Variants in CELSR1 observed in about 807,000 individuals in gnomAD.
CELSR1 encodes adhesion G protein-coupled receptor C1.
Under a neutral mutation model 249.1 loss-of-function variants are expected in CELSR1, and 110 were observed. That is an observed-to-expected ratio of 0.44 (90% CI 0.38 to 0.52). CELSR1 has a LOEUF of 0.52. Among genes scored for constraint, CELSR1 ranks in the 20% least tolerant of loss-of-function variants. CELSR1 has a pLI of 0.00. For missense variants in CELSR1, 4,109 were observed against 4,296.4 expected (o/e 0.96, Z 1.22); for synonymous variants, 2,113 against 1,900.0 (o/e 1.11, Z -2.92).
In CELSR1 at chr22:46,427,958, G is replaced by A. The variant is rs900865732; in HGVS notation, c.4611+5435C>T. On this transcript the variant is annotated intron_variant, in intron 5 of 34. Coordinates refer to ENST00000674500, the MANE Select transcript of CELSR1 (RefSeq NM_001378328.1). This position sits in a 1 kb window ranked among gnomAD's most constrained non-coding sequence, Gnocchi z 4.2. ...GCTCCCCCGACCCCAGGGGTGCTCC[G>A]GGGGTACATCTCCCACTCTCCTTGG... Among the ~76,000 whole-genome samples, 26 of 152,258 alleles carry A rather than the reference G, an allele frequency of 1.7e-4. No individual in the cohort carries two copies. The highest frequency in any genetic ancestry group is 4.6e-4 in the Admixed American group (7 of 15,294).
intron 1 of CELSR1, among the ~76,000 whole-genome samples, chr22:46,493,986 G>A (rs1213531804): frequency 6.6e-6 from 1 of 152,130 alleles, no homozygotes; most frequent in Non-Finnish European, 1.5e-5. Flanking sequence ...AGCTAAGCAA[G>A]CTAGTAAACT....
Position 46,414,701 on chromosome 22 carries a change from G to A in CELSR1, c.4612-2942C>T, listed in dbSNP as rs567117045. ...AGGGAGTGCATGGACACGGTGCTGT[G>A]GGTGACCTGAGACGCACAGACGGGG... On this transcript the variant is annotated intron_variant, in intron 5 of 34. Transcript: ENST00000674500. Among the ~76,000 whole-genome samples, 17 of 152,348 alleles carry A rather than the reference G, an allele frequency of 1.1e-4. No homozygotes were observed. The East Asian group carries it at 2.7e-3, about 24-fold the overall frequency.
chr22:46,516,410 G>A (rs2080628499), intron 1 of CELSR1, among the ~76,000 whole-genome samples: 2 of 151,908 alleles, frequency 1.3e-5, no homozygotes, highest in African/African-American at 4.8e-5. Flanking sequence ...TGAACAATGA[G>A]AACACTTGGA....
rs2080339626 is a variant in CELSR1 at position 46,488,688 on chromosome 22, C to CT, written c.3545-24344dup. ...CCCTTTTTTTTTTTTGAGACGGAGTCTTGCTCTGTCACCCAGGCTGGAGTT... is the reference window on the plus strand; with the variant it reads ...CCCTTTTTTTTTTTTGAGACGGAGTCTTTGCTCTGTCACCCAGGCTGGAGTT... On this transcript the variant is annotated intron_variant, in intron 1 of 34. Coordinates refer to ENST00000674500, the MANE Select transcript of CELSR1 (RefSeq NM_001378328.1). This position sits in a 1 kb window ranked among gnomAD's most constrained non-coding sequence, Gnocchi z 4.7. Among the ~76,000 whole-genome samples the CT allele has an allele frequency of 1.3e-5, 2 of 148,670 alleles. No individual in the cohort carries two copies. Among genetic ancestry groups the CT allele is most frequent in the South Asian group, 2.1e-4 (1 of 4,686 alleles).
intron 1 of CELSR1, among the ~76,000 whole-genome samples, chr22:46,501,022 TTTTTA>T (rs1300032773): frequency 2.2e-5 from 3 of 138,236 alleles, no homozygotes; most frequent in African/African-American, 6.9e-5. Context: ...TTTATTTTAT[TTTTTA>T]TTTTATTTTA....
Position 46,517,846 on chromosome 22 carries a change from C to T in CELSR1, c.3544+15781G>A, listed in dbSNP as rs1044625862. On this transcript the variant is annotated intron_variant, in intron 1 of 34. Transcript: ENST00000674500. The surrounding 1 kb of genome is among the most constrained non-coding windows in gnomAD (Gnocchi z 5.4). ...GAGGGTGAGCTGTCATCTGAAAGCA[C>T]CCACCACCCTGTGTCCCCATATTCT... Among the ~76,000 whole-genome samples the T allele has an allele frequency of 6.6e-6, 1 of 151,958 alleles. No homozygotes were observed. Among genetic ancestry groups the T allele is most frequent in the African/African-American group, 2.4e-5 (1 of 41,360 alleles).
intron 2 of CELSR1, among the ~76,000 whole-genome samples, chr22:46,452,956 G>A (rs1429982015): frequency 6.6e-6 from 1 of 152,258 alleles, no homozygotes; most frequent in Non-Finnish European, 1.5e-5. Context: ...TGTCCAGGGA[G>A]GATAGAGTTG....
rs1270240453 is a variant in CELSR1 at position 46,526,615 on chromosome 22, G to C, written c.3544+7012C>G. On this transcript the variant is annotated intron_variant, in intron 1 of 34. Coordinates refer to ENST00000674500, the MANE Select transcript of CELSR1 (RefSeq NM_001378328.1). The surrounding 1 kb of genome is among the most constrained non-coding windows in gnomAD (Gnocchi z 4.7). The stretch of plus-strand genomic sequence containing the variant: ...CCGCCAGACGGCATCCATCACGGAT[G>C]ACCCCCTCGGAGACACTCGCCCTCC... Among the ~76,000 whole-genome samples the C allele has an allele frequency of 6.6e-6, 1 of 152,170 alleles. No homozygotes were observed. Among genetic ancestry groups the C allele is most frequent in the Non-Finnish European group, 1.5e-5 (1 of 68,032 alleles).
At chr22:46,368,144 A>G (rs2147170941) in intron 27 of CELSR1, among the ~76,000 whole-genome samples, 1 of 152,310 alleles carries the variant, frequency 6.6e-6, no homozygotes, top group Non-Finnish European at 1.5e-5. Context: ...AAGGGGCCTG[A>G]GCCATGCCCA....
At chr22:46,494,403 C>A (rs575377470) in intron 1 of CELSR1, among the ~76,000 whole-genome samples, 2 of 152,240 alleles carry the variant, frequency 1.3e-5, no homozygotes, top group African/African-American at 4.8e-5. Context: ...TGGCACTGCA[C>A]TGAATCTACA....
rs778592492 is a variant in CELSR1, at chr22:46,409,845, G to A, written c.4969C>T (p.Arg1657Trp). 31 of 1,613,550 alleles carry A rather than the reference G, an allele frequency of 1.9e-5. No individual in the cohort carries two copies. The highest frequency in any genetic ancestry group is 1.3e-5 in the African/African-American group (1 of 74,922). ...ACACAGGTGCCTCCATTCTGACACC[G>A]CCTCCCATCGCAGAAGTTCCTCCGA... ...AARRNFCDGR[R>W]CQNGGTCVNR... Residue 1657 changes from arginine (R) to tryptophan (W), a missense_variant, in exon 8 of 35, where the codon CGG becomes TGG. By Grantham distance (101) the Arg-to-Trp change is moderately radical. Coordinates refer to ENST00000674500, the MANE Select transcript of CELSR1 (RefSeq NM_001378328.1). The surrounding 1 kb of genome is among the most constrained non-coding windows in gnomAD (Gnocchi z 9.8).
At chr22:46,455,054 G>A (rs2079931393) in intron 2 of CELSR1, among the ~76,000 whole-genome samples, 1 of 152,184 alleles carries the variant, frequency 6.6e-6, no homozygotes, top group South Asian at 2.1e-4. Flanking sequence ...AGAACACAGT[G>A]TGAAGACGGA....
rs2079829956 is a variant in CELSR1, at chr22:46,447,126, G to A, written c.4184-7715C>T. Among the ~76,000 whole-genome samples, 1 of 152,062 alleles carries A rather than the reference G, an allele frequency of 6.6e-6. No homozygotes were observed. The highest frequency in any genetic ancestry group is 1.5e-5 in the Non-Finnish European group (1 of 68,010). The stretch of plus-strand genomic sequence containing the variant: ...GGGCTGCTCCCCACCAACCCTCAGG[G>A]AGAATCCTGAATTGGCGGCATTTGT... On this transcript the variant is annotated intron_variant, in intron 2 of 34. Transcript: ENST00000674500. This position sits in a 1 kb window ranked among gnomAD's most constrained non-coding sequence, Gnocchi z 4.7.
At chr22:46,521,753 G>A (rs1471270444) in intron 1 of CELSR1, among the ~76,000 whole-genome samples, 1 of 145,586 alleles carries the variant, frequency 6.9e-6, no homozygotes, top group Non-Finnish European at 1.5e-5. Context: ...GGAGGTAGAG[G>A]CCGCAGTGAG....
At chr22:46,478,581 C>T (rs529816677) in intron 1 of CELSR1, among the ~76,000 whole-genome samples, 61 of 151,220 alleles carry the variant, frequency 4.0e-4, no homozygotes, top group Middle Eastern at 3.4e-3. Flanking sequence ...CTCACACTGT[C>T]GCCCAGTCTA....
At chr22:46,379,707 A>G (rs1033365553) in intron 22 of CELSR1, among the ~76,000 whole-genome samples, 1 of 152,204 alleles carries the variant, frequency 6.6e-6, no homozygotes, top group Non-Finnish European at 1.5e-5. Flanking sequence ...CCCCCAGCAC[A>G]GCCCCCACTC....
rs2078974668 is a variant in CELSR1, at chr22:46,381,236, A to G, written c.7089-281T>C. ...CAGGTGCAAAGATGTCACAGCCCAT[A>G]ATAGCTAATGGCAGAATCACAGGGG... is the stretch of plus-strand genomic sequence containing the variant. On this transcript the variant is annotated intron_variant, in intron 21 of 34. Transcript: ENST00000674500. This position sits in a 1 kb window ranked among gnomAD's most constrained non-coding sequence, Gnocchi z 6.0. 6.6e-6 allele frequency among the ~76,000 whole-genome samples: 1 copy of G among 152,304 alleles called. No individual in the cohort carries two copies. The highest frequency in any genetic ancestry group is 2.4e-5 in the African/African-American group (1 of 41,570).
chr22:46,513,913 C>G (rs570989343), intron 1 of CELSR1, among the ~76,000 whole-genome samples: 3 of 150,386 alleles, frequency 2.0e-5, no homozygotes, highest in East Asian at 3.9e-4. Context: ...CTGCCTCAGC[C>G]CCCCCCGAGT....
Position 46,454,776 on chromosome 22 carries a change from C to T in CELSR1, c.4183+8931G>A, listed in dbSNP as rs1326112463. Among the ~76,000 whole-genome samples, 5 of 152,352 alleles carry T rather than the reference C, an allele frequency of 3.3e-5. No individual in the cohort carries two copies. Among genetic ancestry groups the T allele is most frequent in the South Asian group, 2.1e-4 (1 of 4,832 alleles). ...GAGTGGCCCGTGGTCCTCGCAGACA[C>T]GCGACAGGCAGGCCAGTGAGAAGCG... is the stretch of plus-strand genomic sequence containing the variant. On this transcript the variant is annotated intron_variant, in intron 2 of 34. Transcript: ENST00000674500. This position sits in a 1 kb window ranked among gnomAD's most constrained non-coding sequence, Gnocchi z 5.1.
Sources: gnomAD v4.1 joint callset for allele counts (sites outside exome capture counted in the v4.1 genomes callset) on GRCh38, gnomAD v4.1.1 for gene constraint, Gnocchi (gnomAD v3.1) non-coding constraint, MANE v1.5 for transcripts, NCBI Gene and HGNC (gene_info 2026-07-23, HGNC 2026-07-21) for gene names.